WDR5: variants seen among roughly 807,000 people sequenced by gnomAD.
The protein encoded by WDR5 is WD repeat domain 5, also known as WD repeat-containing protein 5.
For missense variants in WDR5, 187 were observed against 416.9 expected (o/e 0.45, Z 4.80); for synonymous variants, 144 against 161.6 (o/e 0.89, Z 0.83).
intron 2 of WDR5, 55 bp from the exon 3 acceptor site, chr9:134,140,648 T>C (rs1831837105): frequency 1.2e-5 from 18 of 1,468,526 alleles, no homozygotes; most frequent in African/African-American, 1.4e-5. Context: ...TCCAAACTGG[T>C]CACGGGTGGA....
In WDR5 at chr9:134,142,641, C is replaced by G; in HGVS notation, c.450C>G (p.Asp150Glu). The G allele has an allele frequency of 6.2e-7, 1 of 1,614,156 alleles. No individual in the cohort carries two copies. The highest frequency in any genetic ancestry group is 8.5e-7 in the Non-Finnish European group (1 of 1,180,036). The change falls in exon 7 of 14, where the codon GAC becomes GAG. Residue 150 changes from aspartate (D) to glutamate (E), a missense_variant. Transcript: ENST00000358625. ...QSNLIVSGSF[D>E]ESVRIWDVKT... ...GTCATCTCTTTTGTGTTCAGTTTGACGAAAGCGTGAGGATATGGGATGTGA... is the reference window on the plus strand; with the variant it reads ...GTCATCTCTTTTGTGTTCAGTTTGAGGAAAGCGTGAGGATATGGGATGTGA...
intron 7 of WDR5, 91 bp from the exon 8 acceptor site, chr9:134,148,197 T>G: frequency 2.0e-6 from 1 of 490,102 alleles, no homozygotes; most frequent in Non-Finnish European, 3.1e-6. Context: ...TTTTTTTTTT[T>G]TTTTTTTTTT....
chr9:134,142,809 C>T, intron 7 of WDR5, 90 bp downstream of exon 7: 1 of 1,351,028 alleles, frequency 7.4e-7, no homozygotes, highest in Non-Finnish European at 1.1e-6. Flanking sequence ...GGGGCGTAAG[C>T]CTGGCCATGG....
intron 12 of WDR5, 76 bp downstream of exon 12, chr9:134,155,843 C>A: frequency 7.2e-7 from 1 of 1,393,716 alleles, no homozygotes; most frequent in Non-Finnish European, 1.0e-6. Context: ...TTACAGGTTG[C>A]TTTATACTCA....
intron 7 of WDR5, among the ~76,000 whole-genome samples, chr9:134,144,209 C>T (rs1308302239): frequency 1.3e-5 from 2 of 152,232 alleles, no homozygotes; most frequent in African/African-American, 4.8e-5. Flanking sequence ...CTCGCGGGCC[C>T]AGTGTCACTG....
chr9:134,142,477 C>T (rs946724017), intron 6 of WDR5, 55 bp downstream of exon 6: 3 of 1,598,896 alleles, frequency 1.9e-6, no homozygotes, highest in East Asian at 2.2e-5. Context: ...TGTGGGAAGG[C>T]TGTTGAATTT....
chr9:134,137,673 A>C lies in WDR5; in HGVS notation c.-59+1473A>C, dbSNP rs1438577531. ...GACTCTTTGGACTGTGTCTCAAAAAAAAAACAAAAACAAAAAAAAAACACG... is the reference window on the plus strand; with the variant it reads ...GACTCTTTGGACTGTGTCTCAAAAACAAAACAAAAACAAAAAAAAAACACG... On this transcript the variant is annotated intron_variant, in intron 1 of 13. Coordinates refer to ENST00000358625, the MANE Select transcript of WDR5 (RefSeq NM_017588.3). Among the ~76,000 whole-genome samples the C allele has an allele frequency of 4.0e-4, 57 of 143,674 alleles. 1 individual carries two copies. The highest frequency in any genetic ancestry group is 5.6e-4 in the Non-Finnish European group (36 of 64,660). 94.3% of individuals were successfully genotyped at this position (143,674 alleles called of 152,430 possible).
intron 3 of WDR5, 23 bp from the exon 4 acceptor site, chr9:134,141,487 C>T (rs1379683477): frequency 6.2e-7 from 1 of 1,613,012 alleles, no homozygotes. Flanking sequence ...CTCTTAGCCT[C>T]AGATCCTTTT....
intron 1 of WDR5, among the ~76,000 whole-genome samples, chr9:134,136,522 C>T (rs901099551): frequency 6.6e-6 from 1 of 152,186 alleles, no homozygotes; most frequent in South Asian, 2.1e-4. Flanking sequence ...CCTCACATCG[C>T]CCCTCTCCCT....
intron 7 of WDR5, among the ~76,000 whole-genome samples, chr9:134,147,367 T>G (rs1490920978): frequency 1.3e-5 from 2 of 152,190 alleles, no homozygotes; most frequent in African/African-American, 4.8e-5. Context: ...CCTAGCAGTC[T>G]CTGCCATAGT....
chr9:134,146,583 G>A (rs77575216), intron 7 of WDR5, among the ~76,000 whole-genome samples: 1,707 of 152,318 alleles, frequency 0.011, 20 homozygotes, highest in Middle Eastern at 0.024. Context: ...GCCTTCTGCT[G>A]GAGTGCAGTG....
intron 1 of WDR5, among the ~76,000 whole-genome samples, chr9:134,138,533 T>C (rs1588166998): frequency 6.6e-6 from 1 of 152,362 alleles, no homozygotes; most frequent in African/African-American, 2.4e-5. Context: ...GGTTTTGTAC[T>C]GGCACTTTGT....
chr9:134,140,519 C>T (rs1256481326), intron 2 of WDR5, among the ~76,000 whole-genome samples, 184 bp from the exon 3 acceptor site: 1 of 152,082 alleles, frequency 6.6e-6, no homozygotes, highest in African/African-American at 2.4e-5. Context: ...GTAGTGGGCT[C>T]AGATTCAGAT....
rs1832744187 is a variant in WDR5 at position 134,156,475 on chromosome 9, T to G, written c.817-31T>G. On this transcript the variant is annotated intron_variant, in intron 12 of 13. Transcript: ENST00000358625. ...GCATGAGCTCTGACCTGCTTTTCCT[T>G]GCCCTGTTTTCCCTGCTTGTTGTTA... The G allele has an allele frequency of 1.4e-5, 23 of 1,606,556 alleles. 1 individual carries two copies. The Middle Eastern group carries it at 1.5e-3, about 104-fold the overall frequency.
chr9:134,155,559 A>G (rs1228064315), intron 11 of WDR5, 134 bp from the exon 12 acceptor site: 1 of 1,253,580 alleles, frequency 8.0e-7, no homozygotes, highest in Non-Finnish European at 1.1e-6. Context: ...TAAATCTTCG[A>G]TTGTGTGGGT....
At chr9:134,139,365 C>T (rs1026374988) in intron 1 of WDR5, among the ~76,000 whole-genome samples, 6 of 152,198 alleles carry the variant, frequency 3.9e-5, no homozygotes, top group African/African-American at 9.6e-5. Flanking sequence ...AACGTGATTG[C>T]GTCACTTGGG....
At position 134,142,021 on chromosome 9, in the gene WDR5, A is replaced by T; in HGVS notation, c.337A>T (p.Ile113Leu). The change falls in exon 5 of 14, where the codon ATA becomes TTA. Residue 113 changes from isoleucine (I) to leucine (L), a missense_variant. Transcript: ENST00000358625. ...VSASDDKTLK[I>L]WDVSSGKCLK... ...TGCCTCAGATGACAAAACCTTGAAG[A>T]TATGGGACGTGAGCTCGGTAAGTGA... 1 of 1,614,154 alleles carries T rather than the reference A, an allele frequency of 6.2e-7. No individual in the cohort carries two copies.
chr9:134,140,945 C>T (rs375735017), intron 3 of WDR5, 134 bp downstream of exon 3: 29 of 798,528 alleles, frequency 3.6e-5, no homozygotes, highest in African/African-American at 2.2e-4. Flanking sequence ...ACGTAGCAGG[C>T]GGGTGTGTCT....
chr9:134,139,756 T>C (rs1350697990), intron 1 of WDR5, 64 bp from the exon 2 acceptor site: 2 of 1,073,526 alleles, frequency 1.9e-6, no homozygotes, highest in Non-Finnish European at 2.7e-6. Flanking sequence ...TCCTTTTTCT[T>C]GGAAATCAAT....
Sources: allele counts gnomAD v4.1 joint callset (sites outside exome capture counted in the v4.1 genomes callset), GRCh38; gene constraint gnomAD v4.1.1; transcripts MANE v1.5; gene names NCBI Gene and HGNC (gene_info 2026-07-23, HGNC 2026-07-21).